The following FBP2 variants were observed in gnomAD, a reference collection of about 807,000 sequenced individuals.
FBP2 encodes the protein fructose-1,6-bisphosphatase isozyme 2.
FBP2 carries 27 observed loss-of-function variants against 31.6 expected under a neutral mutation model. That is an observed-to-expected ratio of 0.85 (90% CI 0.63 to 1.18). The LOEUF (loss-of-function observed/expected upper bound fraction) is 1.18, where lower values mean the gene tolerates loss of function less well. FBP2 is among the 50% of genes most tolerant of loss of function. The probability of loss-of-function intolerance (pLI) is 0.00; values close to 1 mark genes in which losing one functional copy is unlikely to be tolerated. For synonymous variants in FBP2, 168 were observed against 179.8 expected (o/e 0.93, Z 0.53); for missense variants, 421 against 436.1 (o/e 0.97, Z 0.31).
At chr9:94,569,443 G>A (rs1827241431) in intron 4 of FBP2, 3 of 152,242 alleles carry the variant, frequency 2.0e-5, no homozygotes, top group Admixed American at 1.3e-4. Context: ...ATGCACAACT[G>A]TCATCTGAAC....
At chr9:94,578,193 T>C (rs1827335451) in intron 3 of FBP2, among the ~76,000 whole-genome samples, 1 of 152,220 alleles carries the variant, frequency 6.6e-6, no homozygotes, top group Non-Finnish European at 1.5e-5. Context: ...AGAGTAATCT[T>C]TGTGTAATTT....
chr9:94,591,906 C>G (rs962197943), intron 1 of FBP2, among the ~76,000 whole-genome samples: 3 of 152,212 alleles, frequency 2.0e-5, no homozygotes, highest in African/African-American at 7.2e-5. Flanking sequence ...CCTAGGGCCA[C>G]TTTGTCTCCT....
At chr9:94,559,625 T>C (rs1197477111) in intron 6 of FBP2, among the ~76,000 whole-genome samples, 2 of 152,170 alleles carry the variant, frequency 1.3e-5, no homozygotes, top group Non-Finnish European at 2.9e-5. Flanking sequence ...CTCCACATCT[T>C]AAGCTTTGAC....
At position 94,584,652 on chromosome 9, in the gene FBP2, G is replaced by T; in HGVS notation, c.351C>A (p.Cys117Ter). 1 of 1,612,116 alleles carries T rather than the reference G, an allele frequency of 6.2e-7. No individual in the cohort carries two copies. Among genetic ancestry groups the T allele is most frequent in the Non-Finnish European group, 8.5e-7 (1 of 1,178,182 alleles). ...AKEKRGKYVV[C>*]FDPLDGSSNI... ...TGGAAGATCCATCCAGTGGGTCAAA[G>T]CAGACCACGTATTTCCCCTAAATCA... The change falls in exon 3 of 7, where the codon TGC becomes TGA. Residue 117 changes from cysteine to a stop codon, truncating the protein, a stop_gained. Transcript: ENST00000375337. LOFTEE classifies it high-confidence loss of function.
chr9:94,574,450 A>T (rs1827298060), intron 3 of FBP2, among the ~76,000 whole-genome samples: 1 of 151,894 alleles, frequency 6.6e-6, no homozygotes, highest in African/African-American at 2.4e-5. Flanking sequence ...GACCATTTTT[A>T]TTTTGTAAGT....
rs528131933 is a variant in FBP2 at position 94,565,543 on chromosome 9, TACAG to T, written c.705+1723_705+1726del. 2.4e-4 allele frequency among the ~76,000 whole-genome samples: 36 copies of T among 152,284 alleles called. No individual in the cohort carries two copies. In the South Asian group the frequency reaches 6.8e-3, roughly 29 times the overall value. On this transcript the variant is annotated intron_variant, in intron 5 of 6. Coordinates refer to ENST00000375337, the MANE Select transcript of FBP2 (RefSeq NM_003837.4). Reference sequence around the variant, plus strand: ...AAGTCATAAAATCAAAACATTTAAATACAGAAAGAATCTTTCAGCAGACACACAG... The same window carrying T: ...AAGTCATAAAATCAAAACATTTAAATAAAGAATCTTTCAGCAGACACACAG...
intron 3 of FBP2, among the ~76,000 whole-genome samples, chr9:94,575,227 T>C (rs2131453051): frequency 6.6e-6 from 1 of 152,328 alleles, no homozygotes; most frequent in South Asian, 2.1e-4. Context: ...TTATATAACA[T>C]TTCCAGCAAC....
At chr9:94,584,737 G>C in intron 2 of FBP2, 68 bp from the exon 3 acceptor site, 1 of 916,192 alleles carries the variant, frequency 1.1e-6, no homozygotes, top group Non-Finnish European at 1.8e-6. Context: ...TCTGTGTCAG[G>C]GCTGTGCGTG....
intron 3 of FBP2, among the ~76,000 whole-genome samples, chr9:94,576,952 C>T (rs1236671154): frequency 6.6e-6 from 1 of 152,144 alleles, no homozygotes; most frequent in African/African-American, 2.4e-5. Context: ...ACTCAGCCCT[C>T]CCTCCCCCCA....
chr9:94,579,070 G>A (rs368419289), intron 3 of FBP2, among the ~76,000 whole-genome samples: 13 of 27,156 alleles, frequency 4.8e-4, no homozygotes, highest in African/African-American at 1.2e-3. Context: ...AAAAAAAAAA[G>A]GTTATTTTAA....
intron 6 of FBP2, among the ~76,000 whole-genome samples, chr9:94,559,801 T>A (rs1015195494): frequency 6.6e-6 from 1 of 152,126 alleles, no homozygotes; most frequent in African/African-American, 2.4e-5. Flanking sequence ...CTGCTGTCCA[T>A]CCTAGCTGGT....
chr9:94,564,064 C>G (rs1336594075), intron 5 of FBP2, among the ~76,000 whole-genome samples: 1 of 152,156 alleles, frequency 6.6e-6, no homozygotes, highest in Non-Finnish European at 1.5e-5. Context: ...ACCTCACTGA[C>G]AGTAATCACT....
At chr9:94,584,472 A>C in intron 3 of FBP2, 105 bp downstream of exon 3, 1 of 726,602 alleles carries the variant, frequency 1.4e-6, no homozygotes, top group Non-Finnish European at 2.4e-6. Flanking sequence ...TTTTCTCGTT[A>C]GTGGGAAGAC....
At chr9:94,570,694 G>C (rs1166530392) in intron 4 of FBP2, 1 of 152,166 alleles carries the variant, frequency 6.6e-6, no homozygotes, top group Non-Finnish European at 1.5e-5. Context: ...GGTCTAATGG[G>C]CATACAGGTG....
chr9:94,565,934 A>G (rs1163824728), intron 5 of FBP2, among the ~76,000 whole-genome samples: 1 of 152,168 alleles, frequency 6.6e-6, no homozygotes, highest in African/African-American at 2.4e-5. Context: ...TCATTTTTAC[A>G]ACATTGGGGA....
intron 4 of FBP2, chr9:94,568,218 C>A (rs1282054119): frequency 6.6e-6 from 1 of 152,040 alleles, no homozygotes; most frequent in African/African-American, 2.4e-5. Flanking sequence ...CCACTCTTAC[C>A]TGGAGAAAAG....
At chr9:94,591,175 T>C (rs908409410) in intron 1 of FBP2, among the ~76,000 whole-genome samples, 3 of 152,274 alleles carry the variant, frequency 2.0e-5, no homozygotes, top group African/African-American at 4.8e-5. Context: ...TCGATGGGAC[T>C]GAGCGCTGTG....
intron 3 of FBP2, among the ~76,000 whole-genome samples, chr9:94,573,482 C>T (rs1827288938): frequency 6.6e-6 from 1 of 151,904 alleles, no homozygotes; most frequent in Non-Finnish European, 1.5e-5. Flanking sequence ...TGGTCTCAAA[C>T]TCCTGGCCTC....
At chr9:94,580,583 C>T (rs1827364858) in intron 3 of FBP2, among the ~76,000 whole-genome samples, 1 of 152,202 alleles carries the variant, frequency 6.6e-6, no homozygotes, top group African/African-American at 2.4e-5. Flanking sequence ...TAACAATGAC[C>T]TACAGTTCTG....
Sources: allele counts gnomAD v4.1 joint callset (sites outside exome capture counted in the v4.1 genomes callset), GRCh38; gene constraint gnomAD v4.1.1; transcripts MANE v1.5; gene names NCBI Gene and HGNC (gene_info 2026-07-23, HGNC 2026-07-21).